The following CEP95 variants were observed in gnomAD, a reference collection of about 807,000 sequenced individuals.
CEP95 encodes the protein centrosomal protein 95, also known as centrosomal protein of 95 kDa.
CEP95 carries 98 observed loss-of-function variants against 111.2 expected under a neutral mutation model. The observed-to-expected ratio is 0.88, with a 90% CI of 0.75 to 1.04. The LOEUF is 1.04. CEP95 is among the 50% of genes least tolerant of loss of function. The pLI is 0.00. For synonymous variants in CEP95, 323 were observed against 327.1 expected (o/e 0.99, Z 0.14); for missense variants, 1,027 against 977.2 (o/e 1.05, Z -0.68).
chr17:64,514,905 T>A (rs2039063298), intron 4 of CEP95: 1 of 153,468 alleles, frequency 6.5e-6, no homozygotes, highest in Non-Finnish European at 1.4e-5. Context: ...GTTGAAAAGT[T>A]ATCAAAAATA....
chr17:64,507,209 G>C, intron 1 of CEP95, 93 bp downstream of exon 1: 1 of 1,532,796 alleles, frequency 6.5e-7, no homozygotes, highest in South Asian at 1.2e-5. Flanking sequence ...CTGGGCTGTC[G>C]GCGGGGCTCG....
intron 13 of CEP95, among the ~76,000 whole-genome samples, chr17:64,531,322 C>CA (rs1968265767): frequency 6.6e-6 from 1 of 152,044 alleles, no homozygotes; most frequent in African/African-American, 2.4e-5. Context: ...TCTAGGCTGA[C>CA]AAAATTAAAG....
At chr17:64,519,538 A>T in intron 6 of CEP95, 102 bp downstream of exon 6, 2 of 795,498 alleles carry the variant, frequency 2.5e-6, no homozygotes, top group South Asian at 1.8e-5. Context: ...TAGAGTGCTA[A>T]CTGGACATGG....
chr17:64,536,552 G>A (rs1598256337), intron 17 of CEP95, 50 bp from the exon 18 acceptor site: 2 of 1,468,756 alleles, frequency 1.4e-6, no homozygotes, highest in African/African-American at 1.4e-5. Context: ...CCTCTAGTTG[G>A]CCAAAATGAT....
intron 4 of CEP95, among the ~76,000 whole-genome samples, chr17:64,515,179 C>T (rs782107266): frequency 6.6e-6 from 1 of 152,156 alleles, no homozygotes; most frequent in Non-Finnish European, 1.5e-5. Context: ...TTATAGGCGT[C>T]TGGGTACTCT....
intron 11 of CEP95, among the ~76,000 whole-genome samples, chr17:64,527,817 C>A (rs1967945603): frequency 1.3e-5 from 2 of 150,486 alleles, no homozygotes; most frequent in African/African-American, 4.9e-5. Context: ...TCCCCTACTG[C>A]TGGACATGAC....
intron 2 of CEP95, 96 bp from the exon 3 acceptor site, chr17:64,510,077 T>TA: frequency 1.4e-6 from 1 of 695,530 alleles, no homozygotes; most frequent in Non-Finnish European, 2.6e-6. Context: ...AGAGCCTTTA[T>TA]AGCAGTTGAG....
At chr17:64,506,799 C>G, upstream of CEP95, 1 of 550,478 alleles carries the variant, frequency 1.8e-6, no homozygotes, top group South Asian at 2.1e-5. Context: ...GGGCTGCCGG[C>G]TGATGTGGAC....
At chr17:64,508,363 G>C in intron 1 of CEP95, 3 of 985,044 alleles carry the variant, frequency 3.0e-6, no homozygotes, top group Non-Finnish European at 3.6e-6. Flanking sequence ...GTATAGTTTT[G>C]ACTATGTAGA....
In CEP95 at chr17:64,529,191, C is replaced by T. The variant is rs2144508833; in HGVS notation, c.1307-97C>T. 2.8e-6 allele frequency: 3 copies of T among 1,069,638 alleles called. No homozygotes were observed. The South Asian group carries it at 4.9e-5, about 17-fold the overall frequency. 66.3% of individuals were successfully genotyped at this position (1,069,638 alleles called of 1,614,324 possible). On this transcript the variant is annotated intron_variant, in intron 11 of 19. Transcript: ENST00000556440. ...AGAGAGTCCCTTTAGCACATTCACT[C>T]ATCAGTCTCTTTGGATTTAGTGAAA...
chr17:64,537,446 A>C, intron 19 of CEP95, 157 bp from the exon 20 acceptor site: 2 of 1,381,294 alleles, frequency 1.4e-6, no homozygotes, highest in Non-Finnish European at 1.9e-6. Context: ...TTTTTATCCT[A>C]TGATTTTAAC....
At chr17:64,508,010 TCATA>T in intron 1 of CEP95, 1 of 985,246 alleles carries the variant, frequency 1.0e-6, no homozygotes, top group Non-Finnish European at 1.2e-6. Flanking sequence ...ATATTTTCTT[TCATA>T]TAGATCGATA....
intron 11 of CEP95, 90 bp from the exon 12 acceptor site, chr17:64,529,198 C>A: frequency 8.5e-7 from 1 of 1,181,552 alleles, no homozygotes; most frequent in Admixed American, 2.5e-5. Context: ...ACTCATCAGT[C>A]TCTTTGGATT....
intron 3 of CEP95, among the ~76,000 whole-genome samples, chr17:64,512,005 A>ATATT (rs1445415815): frequency 1.3e-5 from 2 of 152,194 alleles, no homozygotes; most frequent in Non-Finnish European, 2.9e-5. Context: ...AAACACCTAA[A>ATATT]TGTCCATTAG....
chr17:64,526,280 G>T (rs923517137), intron 10 of CEP95, 80 bp downstream of exon 10: 3 of 1,373,318 alleles, frequency 2.2e-6, no homozygotes, highest in Non-Finnish European at 2.9e-6. Flanking sequence ...TGAAAGTGAG[G>T]TATTAGAAAA....
At chr17:64,525,672 G>A (rs1454154862) in intron 8 of CEP95, 98 bp from the exon 9 acceptor site, 11 of 718,544 alleles carry the variant, frequency 1.5e-5, no homozygotes, top group Admixed American at 2.8e-5. Flanking sequence ...TTGAAGGCAC[G>A]TAGCTTTGTG....
chr17:64,537,134 A>G, intron 19 of CEP95, 22 bp downstream of exon 19: 1 of 1,606,970 alleles, frequency 6.2e-7, no homozygotes, highest in East Asian at 2.2e-5. Context: ...GATAGAAGCC[A>G]AGTCATGCAC....
chr17:64,507,215 G>A lies in CEP95; in HGVS notation c.19+99G>A, dbSNP rs1055407875. ...GGACTGGGTCTGGGCTGTCGGCGGGGCTCGTGACCTTCAGACGCCGCGTCG... is the reference window on the plus strand; with the variant it reads ...GGACTGGGTCTGGGCTGTCGGCGGGACTCGTGACCTTCAGACGCCGCGTCG... On this transcript the variant is annotated intron_variant, in intron 1 of 19. Coordinates refer to ENST00000556440, the MANE Select transcript of CEP95 (RefSeq NM_138363.3). The A allele has an allele frequency of 3.3e-6, 5 of 1,531,730 alleles. No homozygotes were observed. In the East Asian group the frequency reaches 7.4e-5, roughly 23 times the overall value. The allele number at this position is 1,531,730 out of a possible 1,614,324, so 94.9% of individuals were successfully genotyped here.
Position 64,514,621 on chromosome 17 carries a change from A to G in CEP95, c.367+263A>G, listed in dbSNP as rs150481744. 9.6e-3 allele frequency: 3,977 copies of G among 414,736 alleles called. 30 individuals carry two copies. The highest frequency in any genetic ancestry group is 0.013 in the Non-Finnish European group (3,088 of 235,150). 25.7% of individuals were successfully genotyped at this position (414,736 alleles called of 1,614,324 possible). A position where few individuals can be genotyped will look rare whatever the true frequency, so the allele number is the denominator to read the frequency against. On this transcript the variant is annotated intron_variant, in intron 4 of 19. Transcript: ENST00000556440. The stretch of plus-strand genomic sequence containing the variant: ...TACTAGAAAGATAAATTTCTGGCTA[A>G]ATTATTTATTGTCCTATGATTGCAT...
Sources: allele counts gnomAD v4.1 joint callset (sites outside exome capture counted in the v4.1 genomes callset), GRCh38; gene constraint gnomAD v4.1.1; transcripts MANE v1.5; gene names NCBI Gene and HGNC (gene_info 2026-07-23, HGNC 2026-07-21).